The following CD209 variants were observed in gnomAD, a reference collection of about 807,000 sequenced individuals.
The protein encoded by CD209 is CD209 antigen.
In CD209, 31 loss-of-function variants were observed where a neutral mutation model predicts 44.7. The observed-to-expected ratio is 0.69, with a 90% CI of 0.52 to 0.94. CD209 has a LOEUF of 0.94. Ranked by LOEUF, CD209 falls within the 40% of genes least tolerant of loss-of-function variation. The pLI is 0.00. For missense variants in CD209, 407 were observed against 452.4 expected (o/e 0.90, Z 0.91); for synonymous variants, 173 against 181.3 (o/e 0.95, Z 0.37).
chr19:7,741,714 G>T lies in CD209; in HGVS notation c.*1325C>A. 1.5e-6 allele frequency: 1 copy of T among 680,990 alleles called. No individual in the cohort carries two copies. Among genetic ancestry groups the T allele is most frequent in the South Asian group, 1.4e-5 (1 of 73,408 alleles). 42.2% of individuals were successfully genotyped at this position (680,990 alleles called of 1,614,324 possible). On this transcript the variant is annotated 3_prime_UTR_variant, in exon 7 of 7. Coordinates refer to ENST00000315599, the MANE Select transcript of CD209 (RefSeq NM_021155.4). ...GCTCGGTGGAAAATGATGATTTGTGGTTTATTTGAAATACAACAATGTCCA... is the reference window on the plus strand; with the variant it reads ...GCTCGGTGGAAAATGATGATTTGTGTTTTATTTGAAATACAACAATGTCCA...
Position 7,741,881 on chromosome 19 carries a change from C to G in CD209, c.*1158G>C, listed in dbSNP as rs2033627329. 8.6e-6 allele frequency: 4 copies of G among 465,114 alleles called. No homozygotes were observed. The highest frequency in any genetic ancestry group is 8.4e-5 in the Admixed American group (3 of 35,664). 28.8% of individuals were successfully genotyped at this position (465,114 alleles called of 1,614,324 possible). A position where few individuals can be genotyped will look rare whatever the true frequency, so the allele number is the denominator to read the frequency against. Reference sequence around the variant, plus strand: ...ACTACAGGCTGCGGGGAAGGAGAACCCTAGTCCAGACCATTCCTACAAAAG... The same window carrying G: ...ACTACAGGCTGCGGGGAAGGAGAACGCTAGTCCAGACCATTCCTACAAAAG... On this transcript the variant is annotated 3_prime_UTR_variant, in exon 7 of 7. Coordinates refer to ENST00000315599, the MANE Select transcript of CD209 (RefSeq NM_021155.4).
rs1174675249 is a variant in CD209, at chr19:7,742,040, C to T, written c.*999G>A. 5 of 288,362 alleles carry T rather than the reference C, an allele frequency of 1.7e-5. No homozygotes were observed. The highest frequency in any genetic ancestry group is 4.6e-5 in the Admixed American group (1 of 21,508). 17.9% of individuals were successfully genotyped at this position (288,362 alleles called of 1,614,324 possible). The stretch of plus-strand genomic sequence containing the variant: ...CCGGTGCAGCCGCAGTGAGAACGGC[C>T]GGAGCCGTCACAGCCGGAGCCAAAG... On this transcript the variant is annotated 3_prime_UTR_variant, in exon 7 of 7. Coordinates refer to ENST00000315599, the MANE Select transcript of CD209 (RefSeq NM_021155.4).
chr19:7,745,627 C>T lies in CD209; in HGVS notation c.639G>A (p.Gln213=). 1.6e-6 allele frequency: 1 copy of T among 627,364 alleles called. No individual in the cohort carries two copies. Among genetic ancestry groups the T allele is most frequent in the Non-Finnish European group, 2.8e-6 (1 of 357,164 alleles). The allele number at this position is 627,364 out of a possible 1,614,324, so 38.9% of individuals were successfully genotyped here. ...VGELPEKSKQ[Q]EIYQELTRLK... Reference sequence around the variant, plus strand: ...GCCGGGTCAGCTCCTGGTAGATCTCCTGCTGCTTAGATTTCTCTGGAAGCT... The same window carrying T: ...GCCGGGTCAGCTCCTGGTAGATCTCTTGCTGCTTAGATTTCTCTGGAAGCT... Residue 213 remains glutamine (Q), a synonymous_variant, in exon 4 of 7, where the codon CAG becomes CAA. Transcript: ENST00000315599.
At position 7,745,089 on chromosome 19, in the gene CD209, C is replaced by A. The variant is rs199960291; in HGVS notation, c.752G>T (p.Arg251Leu). ...ELTQLKAAVE[R>L]LCHPCPWEWT... is the part of the protein sequence containing the mutation. ...TTCCCAGGGACAGGGGTGGCACAGG[C>A]GTTCTGTTGGGGGAGGCTGGTCAGG... The change falls in exon 5 of 7, where the codon CGC (arginine) becomes CTC (leucine). Residue 251 changes from arginine (R) to leucine (L), a missense_variant. This residue lies in a region of CD209 where 200 missense variants were observed against 202.2 expected (regional missense o/e 0.99). Coordinates refer to ENST00000315599, the MANE Select transcript of CD209 (RefSeq NM_021155.4). 2.7e-5 allele frequency: 44 copies of A among 1,614,158 alleles called. No individual in the cohort carries two copies. Among genetic ancestry groups the A allele is most frequent in the Non-Finnish European group, 3.6e-5 (42 of 1,180,024 alleles).
In CD209 at chr19:7,741,086, A is replaced by T; in HGVS notation, c.*1953T>A. On this transcript the variant is annotated 3_prime_UTR_variant, in exon 7 of 7. Transcript: ENST00000315599. Reference sequence around the variant, plus strand: ...GGAAAGGAGCAGTGCAGGAGGGATGACTATGACTCCGAAGCAAGCCTGGAG... The same window carrying T: ...GGAAAGGAGCAGTGCAGGAGGGATGTCTATGACTCCGAAGCAAGCCTGGAG... 1.1e-6 allele frequency: 1 copy of T among 912,712 alleles called. No homozygotes were observed. The highest frequency in any genetic ancestry group is 2.6e-5 in the East Asian group (1 of 38,238). 56.5% of individuals were successfully genotyped at this position (912,712 alleles called of 1,614,324 possible). A position where few individuals can be genotyped will look rare whatever the true frequency, so the allele number is the denominator to read the frequency against.
rs1346794028 is a variant in CD209, at chr19:7,747,353, A to G, written c.59T>C (p.Leu20Pro). The change falls in exon 2 of 7, where the codon CTG (leucine) becomes CCG (proline). Residue 20 changes from leucine (L) to proline (P), a missense_variant. Leu to Pro is a moderately conservative substitution (Grantham distance 98, BLOSUM62 -3). This residue lies in a region of CD209 where 122 missense variants were observed against 110.3 expected (regional missense o/e 1.11). Transcript: ENST00000315599. ...AGTCTGTCGGAATCCAAGGCCTCTC[A>G]GCTGTTCCTCCTCTGAATGGATAGA... ...QQLGLLEEEQ[L>P]RGLGFRQTRG... 1 of 1,614,008 alleles carries G rather than the reference A, an allele frequency of 6.2e-7. No individual in the cohort carries two copies. The highest frequency in any genetic ancestry group is 8.5e-7 in the Non-Finnish European group (1 of 1,179,946).
rs1400411896 is a variant in CD209 at position 7,740,932 on chromosome 19, A to G, written c.*2107T>C. On this transcript the variant is annotated 3_prime_UTR_variant, in exon 7 of 7. Coordinates refer to ENST00000315599, the MANE Select transcript of CD209 (RefSeq NM_021155.4). Reference sequence around the variant, plus strand: ...GAACCCCCCCTTGGATTTCAGAGTCATGGAGAAGGATGGAGTTAATTGTCC... The same window carrying G: ...GAACCCCCCCTTGGATTTCAGAGTCGTGGAGAAGGATGGAGTTAATTGTCC... 3 of 720,106 alleles carry G rather than the reference A, an allele frequency of 4.2e-6. No homozygotes were observed. The highest frequency in any genetic ancestry group is 5.0e-5 in the East Asian group (2 of 40,188). The allele number at this position is 720,106 out of a possible 1,614,324, so 44.6% of individuals were successfully genotyped here. A position where few individuals can be genotyped will look rare whatever the true frequency, so the allele number is the denominator to read the frequency against.
intron 6 of CD209, 41 bp downstream of exon 6, chr19:7,744,066 A>T (rs890178095): frequency 3.4e-6 from 5 of 1,484,286 alleles, no homozygotes; most frequent in Non-Finnish European, 3.8e-6. Context: ...GAGTTTCACA[A>T]TTCCAGCCCC....
In CD209 at chr19:7,743,707, TC is replaced by T. The variant is rs975582668; in HGVS notation, c.1013+399del. 1.1e-3 allele frequency among the ~76,000 whole-genome samples: 170 copies of T among 151,938 alleles called. 2 individuals carry two copies. Among genetic ancestry groups the T allele is most frequent in the Non-Finnish European group, 1.3e-4 (9 of 67,924 alleles). ...AAAGGCTCTGGCCCACAGTCCCCCC[TC>T]CCCACCACTCTGACTCATAACAGAC... On this transcript the variant is annotated intron_variant, in intron 6 of 6. Coordinates refer to ENST00000315599, the MANE Select transcript of CD209 (RefSeq NM_021155.4).
chr19:7,747,114 T>A (rs1472403228), intron 2 of CD209, among the ~76,000 whole-genome samples, 192 bp downstream of exon 2: 3 of 146,466 alleles, frequency 2.0e-5, no homozygotes, highest in Admixed American at 1.3e-4. Flanking sequence ...CCAGGAGTCT[T>A]GGCCCCAGCC....
Position 7,743,049 on chromosome 19 carries a change from G to A in CD209, c.1205C>T (p.Pro402Leu), listed in dbSNP as rs374114895. Residue 402 changes from proline to leucine, a missense_variant, in exon 7 of 7, where the codon CCT becomes CTT. Physicochemically the swap from Pro to Leu is moderately conservative, Grantham distance 98 (BLOSUM62 -3). Coordinates refer to ENST00000315599, the MANE Select transcript of CD209 (RefSeq NM_021155.4). ...GGGGGTGAAGTTCTGCTACGCAGGA[G>A]GGGGGTTTGGGGTGGCAGGGGCTGG... ...LSPAPATPNP[P>L]PA 4.3e-6 allele frequency: 7 copies of A among 1,611,030 alleles called. No homozygotes were observed. The highest frequency in any genetic ancestry group is 2.7e-5 in the African/African-American group (2 of 74,856).
Position 7,741,149 on chromosome 19 carries a change from T to G in CD209, c.*1890A>C. The G allele has an allele frequency of 1.9e-6, 2 of 1,066,966 alleles. No individual in the cohort carries two copies. Among genetic ancestry groups the G allele is most frequent in the Non-Finnish European group, 2.7e-6 (2 of 734,926 alleles). The allele number at this position is 1,066,966 out of a possible 1,614,324, so 66.1% of individuals were successfully genotyped here. ...GAAACCTACCAACAGTTCCTAGATTTCTGTGAGGATGTGCTGCCCGAGTTC... is the reference window on the plus strand; with the variant it reads ...GAAACCTACCAACAGTTCCTAGATTGCTGTGAGGATGTGCTGCCCGAGTTC... On this transcript the variant is annotated 3_prime_UTR_variant, in exon 7 of 7. Coordinates refer to ENST00000315599, the MANE Select transcript of CD209 (RefSeq NM_021155.4).
rs1421584478 is a variant in CD209 at position 7,744,214 on chromosome 19, G to A, written c.906C>T (p.Phe302=). Reference sequence around the variant, plus strand: ...TACTTCTGGAAGACTGCAGCTGTAGGAAGTTCTGGAGGGTACAGGAGGAGT... The same window carrying A: ...TACTTCTGGAAGACTGCAGCTGTAGAAAGTTCTGGAGGGTACAGGAGGAGT... ...VVIKSAEEQN[F]LQLQSSRSNR... The change falls in exon 6 of 7, where the codon TTC becomes TTT. Residue 302 remains phenylalanine, a synonymous_variant. Coordinates refer to ENST00000315599, the MANE Select transcript of CD209 (RefSeq NM_021155.4). The A allele has an allele frequency of 6.2e-7, 1 of 1,612,360 alleles. No homozygotes were observed. Among genetic ancestry groups the A allele is most frequent in the East Asian group, 2.2e-5 (1 of 44,876 alleles).
Position 7,744,128 on chromosome 19 carries a change from T to C in CD209, c.992A>G (p.Asp331Gly). The C allele has an allele frequency of 6.2e-7, 1 of 1,613,936 alleles. No homozygotes were observed. Among genetic ancestry groups the C allele is most frequent in the Non-Finnish European group, 8.5e-7 (1 of 1,179,822 alleles). ...LNQEGTWQWV[D>G]GSPLLPSFKQ... ...CTACCTGGGCAACAGAGGTGAGCCG[T>C]CCACCCATTGCCACGTGCCTTCCTG... The change falls in exon 6 of 7, where the codon GAC becomes GGC. Residue 331 changes from aspartate to glycine, a missense_variant. Asp to Gly is a moderately conservative substitution (Grantham distance 94, BLOSUM62 -1). Around this residue, in one of 3 missense-constraint regions of CD209, gnomAD observed 200 missense variants for 202.2 expected, o/e 0.99. Coordinates refer to ENST00000315599, the MANE Select transcript of CD209 (RefSeq NM_021155.4).
intron 1 of CD209, 33 bp from the exon 2 acceptor site, chr19:7,747,398 C>T (rs755435491): frequency 2.2e-5 from 35 of 1,614,240 alleles, no homozygotes; most frequent in Admixed American, 1.0e-4. Flanking sequence ...AGAGCCTGGG[C>T]AGGCTGAGGC....
rs2146309993 is a variant in CD209 at position 7,740,592 on chromosome 19, G to A, written c.*2447C>T. On this transcript the variant is annotated 3_prime_UTR_variant, in exon 7 of 7. Coordinates refer to ENST00000315599, the MANE Select transcript of CD209 (RefSeq NM_021155.4). The stretch of plus-strand genomic sequence containing the variant: ...GAGGGACTCAGGACTCTCACAGAAA[G>A]AGGAGGACACTTTTATTGAAAAACA... The A allele has an allele frequency of 1.2e-6, 1 of 831,214 alleles. No individual in the cohort carries two copies. Among genetic ancestry groups the A allele is most frequent in the Non-Finnish European group, 2.1e-6 (1 of 467,902 alleles). The allele number at this position is 831,214 out of a possible 1,614,324, so 51.5% of individuals were successfully genotyped here.
At position 7,741,090 on chromosome 19, in the gene CD209, T is replaced by A. The variant is rs1457845689; in HGVS notation, c.*1949A>T. 1.1e-6 allele frequency: 1 copy of A among 947,634 alleles called. No individual in the cohort carries two copies. Among genetic ancestry groups the A allele is most frequent in the Non-Finnish European group, 1.7e-6 (1 of 597,582 alleles). 58.7% of individuals were successfully genotyped at this position (947,634 alleles called of 1,614,324 possible). ...AGGAGCAGTGCAGGAGGGATGACTA[T>A]GACTCCGAAGCAAGCCTGGAGTACA... On this transcript the variant is annotated 3_prime_UTR_variant, in exon 7 of 7. Transcript: ENST00000315599.
rs752762064 is a variant in CD209 at position 7,743,258 on chromosome 19, A to G, written c.1014-18T>C. On this transcript the variant is annotated intron_variant, in intron 6 of 6. Coordinates refer to ENST00000315599, the MANE Select transcript of CD209 (RefSeq NM_021155.4). Reference sequence around the variant, plus strand: ...GCTTGAAGCTGCAAAGCCCATGCGGAATGTGAGCCTCTGTCCCCGCCAGCT... The same window carrying G: ...GCTTGAAGCTGCAAAGCCCATGCGGGATGTGAGCCTCTGTCCCCGCCAGCT... 68 of 1,607,872 alleles carry G rather than the reference A, an allele frequency of 4.2e-5. No individual in the cohort carries two copies. The highest frequency in any genetic ancestry group is 5.5e-5 in the Non-Finnish European group (65 of 1,174,460).
chr19:7,747,219 G>C lies in CD209; in HGVS notation c.106+87C>G, dbSNP rs1223561504. ...CTAGCCCCACATCCCCAGGACCCAA[G>C]AGTCCAGGCCCCAGCGTCCAGCTCC... On this transcript the variant is annotated intron_variant, in intron 2 of 6. Transcript: ENST00000315599. 5 of 1,391,260 alleles carry C rather than the reference G, an allele frequency of 3.6e-6. No homozygotes were observed. The Admixed American group carries it at 7.1e-5, about 20-fold the overall frequency. The allele number at this position is 1,391,260 out of a possible 1,614,324, so 86.2% of individuals were successfully genotyped here.
Sources: allele counts gnomAD v4.1 joint callset (sites outside exome capture counted in the v4.1 genomes callset), GRCh38; gene constraint gnomAD v4.1.1; regional missense constraint gnomAD v4.1.1; transcripts MANE v1.5; gene names NCBI Gene and HGNC (gene_info 2026-07-23, HGNC 2026-07-21).